The following FLACC1 variants were observed in gnomAD, a reference collection of about 807,000 sequenced individuals.
The protein encoded by FLACC1 is flagellum associated containing coiled-coil domains 1.
FLACC1 carries 66 observed loss-of-function variants against 62.8 expected under a neutral mutation model. The observed-to-expected ratio is 1.05, with a 90% confidence interval of 0.86 to 1.29. The LOEUF is 1.29. FLACC1 is among the 50% of genes most tolerant of loss of function. FLACC1 has a pLI of 0.00. For missense variants in FLACC1, 452 were observed against 489.1 expected (o/e 0.92, Z 0.71); for synonymous variants, 156 against 161.0 (o/e 0.97, Z 0.24).
At chr2:201,332,894 CT>C (rs1950622815) in intron 7 of FLACC1, among the ~76,000 whole-genome samples, 3 of 152,160 alleles carry the variant, frequency 2.0e-5, no homozygotes, top group South Asian at 4.1e-4. Flanking sequence ...GAATTTCCTT[CT>C]TTTTAAAGGC....
chr2:201,336,156 T>C (rs528797699), intron 7 of FLACC1, among the ~76,000 whole-genome samples: 11 of 152,270 alleles, frequency 7.2e-5, no homozygotes, highest in Middle Eastern at 3.4e-3. Context: ...CTCACTCTCC[T>C]CCCAACCTCC....
chr2:201,291,232 A>T (rs962048455), intron 12 of FLACC1, among the ~76,000 whole-genome samples: 1 of 152,214 alleles, frequency 6.6e-6, no homozygotes, highest in African/African-American at 2.4e-5. Context: ...TGCCTCCTCA[A>T]GTGGGTCCCT....
intron 9 of FLACC1, among the ~76,000 whole-genome samples, chr2:201,323,016 T>C (rs575665423): frequency 3.9e-5 from 6 of 152,226 alleles, no homozygotes; most frequent in Admixed American, 3.9e-4. Context: ...ACAAGGTTTT[T>C]AAACTAACCC....
intron 3 of FLACC1, among the ~76,000 whole-genome samples, chr2:201,350,341 C>G (rs1951000000): frequency 6.6e-6 from 1 of 152,120 alleles, no homozygotes; most frequent in South Asian, 2.1e-4. Flanking sequence ...GCCAAGATGG[C>G]ACCACTGCGC....
At chr2:201,342,553 C>A (rs1950832464) in intron 6 of FLACC1, 122 bp from the exon 7 acceptor site, 1 of 834,510 alleles carries the variant, frequency 1.2e-6, no homozygotes, top group South Asian at 1.5e-5. Flanking sequence ...GGGGCACAGC[C>A]CCCTTCCCAC....
intron 7 of FLACC1, among the ~76,000 whole-genome samples, chr2:201,334,295 C>T (rs564477890): frequency 1.1e-4 from 17 of 152,240 alleles, no homozygotes; most frequent in East Asian, 3.9e-4. Flanking sequence ...TGTGTCCAAC[C>T]GTTCTTGCAT....
chr2:201,311,979 A>C (rs1351300920), intron 9 of FLACC1, among the ~76,000 whole-genome samples: 1 of 152,214 alleles, frequency 6.6e-6, no homozygotes, highest in Non-Finnish European at 1.5e-5. Context: ...AATCCTACTG[A>C]ATGGGCAAAA....
intron 14 of FLACC1, 97 bp downstream of exon 14, chr2:201,289,360 G>A (rs758920780): frequency 4.4e-6 from 5 of 1,123,800 alleles, no homozygotes; most frequent in East Asian, 4.7e-5. Flanking sequence ...GACATAACTA[G>A]GGAGCAGTTG....
intron 7 of FLACC1, among the ~76,000 whole-genome samples, chr2:201,341,825 C>T (rs1158030939): frequency 6.6e-6 from 1 of 152,180 alleles, no homozygotes; most frequent in Non-Finnish European, 1.5e-5. Context: ...CCATTTTCTT[C>T]CTCCTACCGG....
At chr2:201,350,289 G>T (rs577167697) in intron 3 of FLACC1, among the ~76,000 whole-genome samples, 9 of 152,256 alleles carry the variant, frequency 5.9e-5, no homozygotes, top group African/African-American at 2.2e-4. Context: ...GGAGGCTAAG[G>T]CAGGAGAATC....
rs767668690 is a variant in FLACC1, at chr2:201,351,389, G to C, written c.16C>G (p.Leu6Val). Reference protein sequence around the residue: MYPNPLIYCTCWDPWN... With the variant: MYPNPVIYCTCWDPWN... ...GGGTCCCAGCAGGTGCAGTAGATGA[G>C]AGGGTTGGGGTACATGGCCAAAGGT... is the stretch of plus-strand genomic sequence containing the variant. The change falls in exon 2 of 15, where the codon CTC (leucine) becomes GTC (valine). Residue 6 changes from leucine to valine, a missense_variant. Coordinates refer to ENST00000392257, the MANE Select transcript of FLACC1 (RefSeq NM_001127391.3). The C allele has an allele frequency of 2.5e-6, 4 of 1,613,972 alleles. No homozygotes were observed. In the South Asian group the frequency reaches 4.4e-5, roughly 18 times the overall value.
In FLACC1 at chr2:201,289,737, T is replaced by A. The variant is rs1468539785; in HGVS notation, c.991A>T (p.Asn331Tyr). ...HAQALILESL[N>Y]TNLYYTQLEL... Reference sequence around the variant, plus strand: ...AACTGGGTATAGTAGAGGTTTGTGTTCAGTGACTCTAGGATAAGGGCTTGT... The same window carrying A: ...AACTGGGTATAGTAGAGGTTTGTGTACAGTGACTCTAGGATAAGGGCTTGT... Residue 331 changes from asparagine (N) to tyrosine (Y), a missense_variant, in exon 13 of 15, where the codon AAC becomes TAC. Asn to Tyr is a moderately radical substitution (Grantham distance 143). This residue lies in a region of FLACC1 where 301 missense variants were observed against 318.4 expected (regional missense o/e 0.95). Transcript: ENST00000392257. 6.2e-7 allele frequency: 1 copy of A among 1,614,194 alleles called. No homozygotes were observed. Among genetic ancestry groups the A allele is most frequent in the Non-Finnish European group, 8.5e-7 (1 of 1,180,018 alleles).
rs572839941 is a variant in FLACC1 at position 201,333,225 on chromosome 2, G to A, written c.525-2392C>T. 3.8e-4 allele frequency among the ~76,000 whole-genome samples: 57 copies of A among 151,772 alleles called. 2 individuals carry two copies. The South Asian group carries it at 0.01, about 28-fold the overall frequency. On this transcript the variant is annotated intron_variant, in intron 7 of 14. Transcript: ENST00000392257. ...ACATCTTCAACACTTGTTATCTTTC[G>A]CCTTCTTGATAATAGCTATTCTGAT...
intron 9 of FLACC1, among the ~76,000 whole-genome samples, chr2:201,321,080 T>C (rs1950395003): frequency 6.6e-6 from 1 of 152,182 alleles, no homozygotes; most frequent in South Asian, 2.1e-4. Flanking sequence ...AAACCAGTGT[T>C]CGAGAAAGCC....
At position 201,289,493 on chromosome 2, in the gene FLACC1, G is replaced by A; in HGVS notation, c.1106C>T (p.Thr369Ile). Residue 369 changes from threonine to isoleucine, a missense_variant, in exon 14 of 15, where the codon ACC becomes ATC. By Grantham distance (89) the Thr-to-Ile change is moderately conservative (BLOSUM62 -1). Coordinates refer to ENST00000392257, the MANE Select transcript of FLACC1 (RefSeq NM_001127391.3). ...FAETEEKYKH[T>I]IQILTEENIH... ...GTTCTCTTCCGTCAGGATCTGTATG[G>A]TGTGCTTATACTTTTCTTCAGTTTC... The A allele has an allele frequency of 6.2e-7, 1 of 1,614,200 alleles. No individual in the cohort carries two copies. Among genetic ancestry groups the A allele is most frequent in the Non-Finnish European group, 8.5e-7 (1 of 1,180,038 alleles).
chr2:201,342,841 G>T (rs1027513924), intron 6 of FLACC1, among the ~76,000 whole-genome samples: 2 of 152,242 alleles, frequency 1.3e-5, no homozygotes, highest in Non-Finnish European at 2.9e-5. Context: ...CTAAGACTCA[G>T]ATCTTGCCTT....
upstream of FLACC1, among the ~76,000 whole-genome samples, chr2:201,360,650 G>A (rs1270425073): frequency 2.0e-5 from 3 of 152,192 alleles, no homozygotes; most frequent in African/African-American, 7.2e-5. Flanking sequence ...ACCCGACCAG[G>A]TAGCCACAGG....
chr2:201,294,984 C>T (rs540433288), intron 12 of FLACC1, among the ~76,000 whole-genome samples: 5 of 150,906 alleles, frequency 3.3e-5, no homozygotes, highest in South Asian at 2.1e-4. Context: ...AGGACCTCTT[C>T]GTTGACCACT....
chr2:201,291,634 G>T (rs1949737244), intron 12 of FLACC1, among the ~76,000 whole-genome samples: 1 of 152,198 alleles, frequency 6.6e-6, no homozygotes, highest in Non-Finnish European at 1.5e-5. Context: ...CTCCTCCAAA[G>T]GAATGCAGCT....
Sources: gnomAD v4.1 joint callset for allele counts (sites outside exome capture counted in the v4.1 genomes callset) on GRCh38, gnomAD v4.1.1 for gene constraint, gnomAD v4.1.1 regional missense constraint, MANE v1.5 for transcripts, NCBI Gene and HGNC (gene_info 2026-07-23, HGNC 2026-07-21) for gene names.